DAGLA: variants seen among roughly 807,000 people sequenced by gnomAD.
The protein encoded by DAGLA is diacylglycerol lipase alpha.
A neutral mutation model predicts 102.6 loss-of-function variants in DAGLA; 22 were observed. That is an observed-to-expected ratio of 0.21 (90% CI 0.15 to 0.31). The LOEUF is 0.31. Ranked by LOEUF, DAGLA falls within the 10% of genes least tolerant of loss-of-function variation. DAGLA has a pLI of 1.00. For synonymous variants in DAGLA, 578 were observed against 628.9 expected (o/e 0.92, Z 1.21); for missense variants, 927 against 1,446.6 (o/e 0.64, Z 5.83).
At chr11:61,681,609 T>C (rs1311866321) in intron 1 of DAGLA, among the ~76,000 whole-genome samples, 2 of 152,102 alleles carry the variant, frequency 1.3e-5, no homozygotes, top group Non-Finnish European at 2.9e-5. Context: ...GCCTCTCTTC[T>C]TTGATGCTGG....
At position 61,734,602 on chromosome 11, in the gene DAGLA, G is replaced by A. The variant is rs2065407289; in HGVS notation, c.975-247G>A. Among the ~76,000 whole-genome samples the A allele has an allele frequency of 6.6e-6, 1 of 152,176 alleles. No homozygotes were observed. The highest frequency in any genetic ancestry group is 2.4e-5 in the African/African-American group (1 of 41,452). ...GGAGGGGAGATCCCAGAGAGGAGGGGGCCCCAGCCAGGTGGGGAGAGGGAA... is the reference window on the plus strand; with the variant it reads ...GGAGGGGAGATCCCAGAGAGGAGGGAGCCCCAGCCAGGTGGGGAGAGGGAA... On this transcript the variant is annotated intron_variant, in intron 9 of 19. Transcript: ENST00000257215. The surrounding 1 kb of genome is among the most constrained non-coding windows in gnomAD (Gnocchi z 4.2).
chr11:61,730,755 C>T (rs960654453), intron 8 of DAGLA, among the ~76,000 whole-genome samples: 3 of 152,204 alleles, frequency 2.0e-5, no homozygotes, highest in Admixed American at 6.5e-5. Flanking sequence ...CTGCCCGGAG[C>T]CCTGGGAGCC....
At chr11:61,740,974 C>A (rs1008842182) in intron 18 of DAGLA, among the ~76,000 whole-genome samples, 188 bp from the exon 19 acceptor site, 8 of 152,182 alleles carry the variant, frequency 5.3e-5, no homozygotes, top group Non-Finnish European at 1.0e-4. Flanking sequence ...GGCTGTGGGG[C>A]GAGTCGTGAC....
chr11:61,736,159 G>A, intron 12 of DAGLA, 111 bp from the exon 13 acceptor site: 1 of 887,848 alleles, frequency 1.1e-6, no homozygotes, highest in Non-Finnish European at 1.8e-6. Flanking sequence ...TTGTCACGAG[G>A]CCCAAAGGGA....
At chr11:61,733,993 C>G (rs1328818002) in intron 9 of DAGLA, among the ~76,000 whole-genome samples, 2 of 152,148 alleles carry the variant, frequency 1.3e-5, no homozygotes, top group Admixed American at 6.5e-5. Flanking sequence ...GGCAGCAGGT[C>G]AGAGAGACCA....
At chr11:61,693,717 C>G (rs891230584) in intron 1 of DAGLA, among the ~76,000 whole-genome samples, 5 of 152,210 alleles carry the variant, frequency 3.3e-5, no homozygotes, top group African/African-American at 1.2e-4. Context: ...GTGCACCTGC[C>G]CTGCCTGAGG....
chr11:61,715,183 C>T (rs2065226943), intron 1 of DAGLA, among the ~76,000 whole-genome samples: 1 of 152,198 alleles, frequency 6.6e-6, no homozygotes, highest in African/African-American at 2.4e-5. Flanking sequence ...ATGAGAGCGA[C>T]ACTGCGACCC....
intron 1 of DAGLA, among the ~76,000 whole-genome samples, chr11:61,714,180 G>T (rs1223251788): frequency 3.9e-5 from 6 of 152,188 alleles, no homozygotes; most frequent in African/African-American, 1.4e-4. Context: ...CCTCAATTTT[G>T]ATTTACTGGG....
chr11:61,698,212 A>G (rs1307666922), intron 1 of DAGLA, among the ~76,000 whole-genome samples: 1 of 152,194 alleles, frequency 6.6e-6, no homozygotes, highest in Non-Finnish European at 1.5e-5. Context: ...GGCCAGCCAG[A>G]GGGTCAGGGC....
intron 9 of DAGLA, among the ~76,000 whole-genome samples, chr11:61,731,738 G>A (rs1351737063): frequency 2.0e-5 from 3 of 152,122 alleles, no homozygotes; most frequent in East Asian, 1.9e-4. Context: ...TACATACCTC[G>A]TGGAATTTTT....
chr11:61,727,555 G>T (rs780843224), intron 6 of DAGLA, among the ~76,000 whole-genome samples: 3 of 152,226 alleles, frequency 2.0e-5, no homozygotes, highest in Non-Finnish European at 4.4e-5. Context: ...GCCCAGACAT[G>T]CACTGTCTTC....
At chr11:61,699,188 A>T (rs939526334) in intron 1 of DAGLA, among the ~76,000 whole-genome samples, 4 of 152,200 alleles carry the variant, frequency 2.6e-5, no homozygotes, top group African/African-American at 9.7e-5. Context: ...TGGGGCCAGT[A>T]GACGCAGCAG....
rs777765171 is a variant in DAGLA at position 61,735,821 on chromosome 11, C to G, written c.1290+5C>G. The G allele has an allele frequency of 6.2e-7, 1 of 1,607,064 alleles. No individual in the cohort carries two copies. Among genetic ancestry groups the G allele is most frequent in the Non-Finnish European group, 8.5e-7 (1 of 1,176,796 alleles). ...GGCACCTGGCTGGGCCACAAGGTAA[C>G]CCACGTCATGGACCCCAGGGCCCCT... On this transcript the variant is annotated splice_donor_5th_base_variant and intron_variant, in intron 12 of 19. Coordinates refer to ENST00000257215, the MANE Select transcript of DAGLA (RefSeq NM_006133.3).
chr11:61,720,684 T>C lies in DAGLA; in HGVS notation c.101T>C (p.Val34Ala). 1 of 1,613,522 alleles carries C rather than the reference T, an allele frequency of 6.2e-7. No individual in the cohort carries two copies. The highest frequency in any genetic ancestry group is 8.5e-7 in the Non-Finnish European group (1 of 1,179,960). ...FLFLLHTTWF[V>A]ILSVVLFGLV... ...CACGGGCGTTCCTGTGACAGGTTTG[T>C]GATCCTGTCCGTGGTGCTCTTCGGC... Residue 34 changes from valine to alanine, a missense_variant, in exon 3 of 20, where the codon GTG (valine) becomes GCG (alanine). Physicochemically the swap from Val to Ala is moderately conservative, Grantham distance 64. Around this residue, in one of 4 missense-constraint regions of DAGLA, gnomAD observed 231 missense variants for 439.8 expected, o/e 0.53. Transcript: ENST00000257215.
chr11:61,742,770 C>CCCTCCCTCCCTCCCTT (rs2065491580), intron 19 of DAGLA, among the ~76,000 whole-genome samples: 1 of 130,522 alleles, frequency 7.7e-6, no homozygotes, highest in Non-Finnish European at 1.6e-5. Flanking sequence ...CTCTGTCCCT[C>CCCTCCCTCCCTCCCTT]CCTCCCTCCC....
At chr11:61,725,772 T>C (rs1184494046) in intron 5 of DAGLA, among the ~76,000 whole-genome samples, 1 of 152,106 alleles carries the variant, frequency 6.6e-6, no homozygotes, top group Non-Finnish European at 1.5e-5. Flanking sequence ...ACACACCATC[T>C]TAGGCTAGCA....
At chr11:61,736,405 A>C in intron 13 of DAGLA, 55 bp downstream of exon 13, 2 of 1,405,106 alleles carry the variant, frequency 1.4e-6, no homozygotes, top group Non-Finnish European at 2.0e-6. Context: ...CCCTCCTCCA[A>C]CGCAGCACAG....
Position 61,744,345 on chromosome 11 carries a change from C to T in DAGLA, c.2985C>T (p.Ser995=). The change falls in exon 20 of 20, where the codon AGC becomes AGT. Residue 995 remains serine, a synonymous_variant. Coordinates refer to ENST00000257215, the MANE Select transcript of DAGLA (RefSeq NM_006133.3). The part of the protein sequence containing the change: ...GISLSPSFPL[S]SSGELMDLTP... ...CACTCTCGCCCTCCTTCCCGCTCAGCTCCTCGGGTGAGCTCATGGACCTGA... is the reference window on the plus strand; with the variant it reads ...CACTCTCGCCCTCCTTCCCGCTCAGTTCCTCGGGTGAGCTCATGGACCTGA... The T allele has an allele frequency of 6.2e-7, 1 of 1,612,716 alleles. No individual in the cohort carries two copies. Among genetic ancestry groups the T allele is most frequent in the Non-Finnish European group, 8.5e-7 (1 of 1,179,772 alleles).
intron 12 of DAGLA, among the ~76,000 whole-genome samples, 154 bp from the exon 13 acceptor site, chr11:61,736,116 G>T (rs2065421221): frequency 6.6e-6 from 1 of 152,174 alleles, no homozygotes; most frequent in Non-Finnish European, 1.5e-5. Flanking sequence ...GGAAGTGACA[G>T]GATCAGCGTG....
Sources: gnomAD v4.1 joint callset for allele counts (sites outside exome capture counted in the v4.1 genomes callset) on GRCh38, gnomAD v4.1.1 for gene constraint, gnomAD v4.1.1 regional missense constraint, Gnocchi (gnomAD v3.1) non-coding constraint, MANE v1.5 for transcripts, NCBI Gene and HGNC (gene_info 2026-07-23, HGNC 2026-07-21) for gene names.